Variants in KLHL29 observed in about 807,000 individuals in gnomAD.
KLHL29 encodes the protein kelch-like protein 29.
Under a neutral mutation model 80.4 loss-of-function variants are expected in KLHL29, and 21 were observed. The observed-to-expected ratio is 0.26, with a 90% CI of 0.19 to 0.38. KLHL29 has a LOEUF of 0.38. Ranked by LOEUF, KLHL29 falls within the 10% of genes least tolerant of loss-of-function variation. KLHL29 has a pLI of 1.00. For missense variants in KLHL29, 867 were observed against 1,223.9 expected, an observed-to-expected ratio of 0.71 and a Z score of 4.35; for synonymous variants, 511 against 526.8, an observed-to-expected ratio of 0.97 and a Z score of 0.41.
intron 2 of KLHL29, among the ~76,000 whole-genome samples, chr2:23,492,362 A>G (rs956788105): frequency 6.6e-5 from 10 of 152,232 alleles, no homozygotes; most frequent in African/African-American, 1.9e-4. Context: ...GATCTGTTAG[A>G]CCGGTTTGGG....
intron 2 of KLHL29, among the ~76,000 whole-genome samples, chr2:23,500,991 G>T (rs1213314751): frequency 6.6e-6 from 1 of 152,200 alleles, no homozygotes; most frequent in African/African-American, 2.4e-5. Flanking sequence ...CCCGGCCTGT[G>T]TGTGCTGTCT....
Position 23,393,106 on chromosome 2 carries a change from C to T in KLHL29, c.-154+7326C>T, listed in dbSNP as rs928747927. Among the ~76,000 whole-genome samples the T allele has an allele frequency of 5.3e-5, 8 of 152,312 alleles. No individual in the cohort carries two copies. In the South Asian group the frequency reaches 6.2e-4, roughly 12 times the overall value. ...TAAAGATTCATCTAGAACCACTAAT[C>T]GCTGACCCGGGCTTGTTCATGTTTG... On this transcript the variant is annotated intron_variant, in intron 1 of 13. Coordinates refer to ENST00000486442, the MANE Select transcript of KLHL29 (RefSeq NM_052920.2).
chr2:23,476,863 C>T (rs996793221), intron 2 of KLHL29, among the ~76,000 whole-genome samples: 19 of 152,238 alleles, frequency 1.2e-4, no homozygotes, highest in African/African-American at 4.3e-4. Context: ...GAACAGAATC[C>T]GTGATCTGGG....
In KLHL29 at chr2:23,693,483, G is replaced by A; in HGVS notation, c.1497G>A (p.Glu499=). The A allele has an allele frequency of 1.9e-6, 3 of 1,551,692 alleles. No individual in the cohort carries two copies. Among genetic ancestry groups the A allele is most frequent in the Non-Finnish European group, 2.6e-6 (3 of 1,146,948 alleles). ...LNTKAEELVY[E]TVIKWIKKDP... ...CCAAGGCTGAGGAGCTGGTGTACGA[G>A]ACAGTCATCAAGTGGATCAAGAAGG... is the stretch of plus-strand genomic sequence containing the variant. Residue 499 remains glutamate, a synonymous_variant, in exon 8 of 14, where the codon GAG becomes GAA. Coordinates refer to ENST00000486442, the MANE Select transcript of KLHL29 (RefSeq NM_052920.2).
chr2:23,446,787 G>A (rs894428200), intron 1 of KLHL29, among the ~76,000 whole-genome samples: 4 of 152,070 alleles, frequency 2.6e-5, no homozygotes, highest in African/African-American at 9.7e-5. Flanking sequence ...TTTAAATTAT[G>A]TGCATCTTTG....
At chr2:23,391,029 C>G (rs1666310066) in intron 1 of KLHL29, among the ~76,000 whole-genome samples, 2 of 152,218 alleles carry the variant, frequency 1.3e-5, no homozygotes. Flanking sequence ...AACTGAAAGT[C>G]TATACCCGTT....
At position 23,701,712 on chromosome 2, in the gene KLHL29, G is replaced by GCACTCA. The variant is rs1558450412; in HGVS notation, c.2106-1473_2106-1472insACTCAC. Among the ~76,000 whole-genome samples the GCACTCA allele has an allele frequency of 3.3e-5, 5 of 150,816 alleles. No homozygotes were observed. The East Asian group carries it at 9.7e-4, about 29-fold the overall frequency. On this transcript the variant is annotated intron_variant, in intron 11 of 13. Coordinates refer to ENST00000486442, the MANE Select transcript of KLHL29 (RefSeq NM_052920.2). ...AGCCTAGGCAACAGAGCAAGACCCTGCCTCAAACAAACAAACCTTCACCCA... is the reference window on the plus strand; with the variant it reads ...AGCCTAGGCAACAGAGCAAGACCCTGCACTCACCTCAAACAAACAAACCTTCACCCA...
chr2:23,492,565 C>A lies in KLHL29; in HGVS notation c.-46+16898C>A, dbSNP rs113903313. Among the ~76,000 whole-genome samples the A allele has an allele frequency of 2.6e-4, 40 of 152,340 alleles. 1 individual carries two copies. The highest frequency in any genetic ancestry group is 6.5e-4 in the African/African-American group (27 of 41,584). On this transcript the variant is annotated intron_variant, in intron 2 of 13. Coordinates refer to ENST00000486442, the MANE Select transcript of KLHL29 (RefSeq NM_052920.2). The stretch of plus-strand genomic sequence containing the variant: ...GTGGGCCGTGACTTTAAGAAATTAG[C>A]TGGAGCATCAGATTAAATCTCCTTT...
chr2:23,399,812 A>G (rs1666544394), intron 1 of KLHL29, among the ~76,000 whole-genome samples: 1 of 152,216 alleles, frequency 6.6e-6, no homozygotes, highest in African/African-American at 2.4e-5. Context: ...TCTTGTAGAC[A>G]GAAACTCACA....
chr2:23,470,101 T>G (rs1176125492), intron 1 of KLHL29, among the ~76,000 whole-genome samples: 2 of 152,124 alleles, frequency 1.3e-5, no homozygotes. Flanking sequence ...TGGAGTCATG[T>G]CATGGCATAA....
intron 7 of KLHL29, among the ~76,000 whole-genome samples, chr2:23,692,423 C>T (rs529057080): frequency 6.6e-6 from 1 of 152,340 alleles, no homozygotes; most frequent in African/African-American, 2.4e-5. Context: ...CTTGATGCTA[C>T]CCCGCATGGG....
chr2:23,684,449 C>T lies in KLHL29; in HGVS notation c.991C>T (p.Leu331=). Residue 331 remains leucine (L), a synonymous_variant, in exon 6 of 14, where the codon CTG becomes TTG. Coordinates refer to ENST00000486442, the MANE Select transcript of KLHL29 (RefSeq NM_052920.2). The surrounding 1 kb of genome is among the most constrained non-coding windows in gnomAD (Gnocchi z 4.4). ...ACGCAGAGCGAAAGCGTTTACAGACCTGAAAATTGTTGTTGAAGGCAGAGA... is the reference window on the plus strand; with the variant it reads ...ACGCAGAGCGAAAGCGTTTACAGACTTGAAAATTGTTGTTGAAGGCAGAGA... The part of the protein sequence containing the change: ...QQRRAKAFTD[L]KIVVEGREFE... The T allele has an allele frequency of 6.4e-7, 1 of 1,550,754 alleles. No individual in the cohort carries two copies. Among genetic ancestry groups the T allele is most frequent in the South Asian group, 1.2e-5 (1 of 83,874 alleles).
chr2:23,657,355 ACTT>A (rs1387198124), intron 5 of KLHL29, among the ~76,000 whole-genome samples: 1 of 152,172 alleles, frequency 6.6e-6, no homozygotes. Context: ...GCCTCTTTTC[ACTT>A]CTTTACTGTT....
chr2:23,554,987 C>G (rs1667246906), intron 2 of KLHL29, among the ~76,000 whole-genome samples: 1 of 152,116 alleles, frequency 6.6e-6, no homozygotes, highest in Non-Finnish European at 1.5e-5. Flanking sequence ...CCCCAGGTAG[C>G]CCAAGCCTTT....
chr2:23,552,761 C>CTTTTTTTTTTTTTTT (rs60558023), intron 2 of KLHL29, among the ~76,000 whole-genome samples: 3,975 of 95,202 alleles, frequency 0.042, 767 homozygotes, highest in African/African-American at 0.11. Flanking sequence ...GGTTTCTTTT[C>CTTTTTTTTTTTTTTT]TTTTTTTTTT....
intron 3 of KLHL29, among the ~76,000 whole-genome samples, chr2:23,576,891 T>G (rs2103506333): frequency 6.6e-6 from 1 of 152,308 alleles, no homozygotes; most frequent in East Asian, 1.9e-4. Context: ...TGGCAAAGAC[T>G]TGAGCCTTGA....
chr2:23,636,038 G>A (rs1669598872), intron 3 of KLHL29, among the ~76,000 whole-genome samples: 1 of 152,186 alleles, frequency 6.6e-6, no homozygotes, highest in African/African-American at 2.4e-5. Flanking sequence ...GGAGGAAAGA[G>A]TTAGCAGGAG....
chr2:23,526,098 A>G (rs1047523803), intron 2 of KLHL29, among the ~76,000 whole-genome samples: 6 of 152,238 alleles, frequency 3.9e-5, no homozygotes, highest in Non-Finnish European at 7.3e-5. Context: ...AAAGCAGGTT[A>G]GGAAAAACCT....
At chr2:23,387,115 C>T (rs1397197198) in intron 1 of KLHL29, among the ~76,000 whole-genome samples, 1 of 152,218 alleles carries the variant, frequency 6.6e-6, no homozygotes, top group Non-Finnish European at 1.5e-5. Context: ...CCGCGGCGCG[C>T]CCCGGGCGAA....
Sources: gnomAD v4.1 joint callset for allele counts (sites outside exome capture counted in the v4.1 genomes callset) on GRCh38, gnomAD v4.1.1 for gene constraint, Gnocchi (gnomAD v3.1) non-coding constraint, MANE v1.5 for transcripts, NCBI Gene and HGNC (gene_info 2026-07-23, HGNC 2026-07-21) for gene names.